The following PTPRM variants were observed in gnomAD, a reference collection of about 807,000 sequenced individuals.
PTPRM encodes the protein receptor-type tyrosine-protein phosphatase mu.
Under a neutral mutation model 186.7 loss-of-function variants are expected in PTPRM, and 47 were observed. The observed-to-expected ratio is 0.25, with a 90% CI of 0.20 to 0.32. The LOEUF is 0.32. PTPRM is among the 10% of genes least tolerant of loss of function. The pLI is 1.00. For synonymous variants in PTPRM, 668 were observed against 674.9 expected, an observed-to-expected ratio of 0.99 and a Z score of 0.16; for missense variants, 1,494 against 1,865.0, an observed-to-expected ratio of 0.80 and a Z score of 3.66.
In PTPRM at chr18:8,341,477, T is replaced by C. The variant is rs2095474382; in HGVS notation, c.2957-1946T>C. Among the ~76,000 whole-genome samples the C allele has an allele frequency of 2.0e-5, 3 of 152,090 alleles. No homozygotes were observed. In the South Asian group the frequency reaches 6.2e-4, roughly 32 times the overall value. ...GGCAAGAAGGGGTGAGTGAGGAATA[T>C]GCTGGAGGCAGAATGGGGCCCCTAG... is the stretch of plus-strand genomic sequence containing the variant. On this transcript the variant is annotated intron_variant, in intron 22 of 32. Coordinates refer to ENST00000580170, the MANE Select transcript of PTPRM (RefSeq NM_001105244.2).
chr18:8,076,015 G>A (rs930115768), intron 8 of PTPRM, among the ~76,000 whole-genome samples: 19 of 151,962 alleles, frequency 1.3e-4, no homozygotes, highest in Non-Finnish European at 7.4e-5. Context: ...GCATATATGC[G>A]AGAATTTTAC....
In PTPRM at chr18:8,346,188, G is replaced by T. The variant is rs114282308; in HGVS notation, c.3054+2668G>T. On this transcript the variant is annotated intron_variant, in intron 23 of 32. Transcript: ENST00000580170. ...AGGGTGCTGGGCCTCTCCTTCCACA[G>T]ACCTTTCTCTGGAAAGAGGAAACTA... Among the ~76,000 whole-genome samples, 863 of 152,334 alleles carry T rather than the reference G, an allele frequency of 5.7e-3. 6 individuals carry two copies. Among genetic ancestry groups the T allele is most frequent in the African/African-American group, 0.02 (812 of 41,584 alleles).
At chr18:8,334,531 C>A (rs549781625) in intron 22 of PTPRM, among the ~76,000 whole-genome samples, 53 of 152,368 alleles carry the variant, frequency 3.5e-4, no homozygotes, top group Non-Finnish European at 5.3e-4. Flanking sequence ...TTGCTGCTGT[C>A]TGTTGGATTC....
chr18:8,180,783 A>C (rs114350936), intron 14 of PTPRM, among the ~76,000 whole-genome samples: 1 of 152,148 alleles, frequency 6.6e-6, no homozygotes, highest in African/African-American at 2.4e-5. Context: ...AAATCCTGAG[A>C]TCTTATTAGG....
At chr18:7,831,049 T>C (rs2045736587) in intron 2 of PTPRM, among the ~76,000 whole-genome samples, 1 of 152,212 alleles carries the variant, frequency 6.6e-6, no homozygotes, top group South Asian at 2.1e-4. Context: ...CAGAATTGTG[T>C]TCAGGCAGAG....
At chr18:8,376,911 C>G (rs2095699798) in intron 26 of PTPRM, 1 of 250,258 alleles carries the variant, frequency 4.0e-6, no homozygotes, top group African/African-American at 2.3e-5. Flanking sequence ...TTTATTATCT[C>G]TTTTAAACTA....
intron 2 of PTPRM, among the ~76,000 whole-genome samples, chr18:7,797,974 T>C (rs993749575): frequency 2.6e-5 from 4 of 152,188 alleles, no homozygotes; most frequent in African/African-American, 9.6e-5. Flanking sequence ...GCTATTTTCA[T>C]TGAAGCAGGG....
intron 1 of PTPRM, among the ~76,000 whole-genome samples, chr18:7,578,880 G>A (rs891407888): frequency 6.6e-6 from 1 of 152,050 alleles, no homozygotes; most frequent in Admixed American, 6.6e-5. Context: ...GAATAAGACG[G>A]GTCCATCAGT....
chr18:7,933,970 G>T (rs995875714), intron 5 of PTPRM, among the ~76,000 whole-genome samples: 4 of 152,122 alleles, frequency 2.6e-5, no homozygotes, highest in African/African-American at 4.8e-5. Context: ...TTCATTTCTT[G>T]TACCCTTTGC....
chr18:7,588,705 G>A (rs1434572313), intron 1 of PTPRM, among the ~76,000 whole-genome samples: 2 of 152,138 alleles, frequency 1.3e-5, no homozygotes, highest in Non-Finnish European at 2.9e-5. Context: ...AATTTTTTGT[G>A]TTTAATATTT....
At chr18:7,652,797 A>C (rs2038748450) in intron 1 of PTPRM, among the ~76,000 whole-genome samples, 1 of 150,560 alleles carries the variant, frequency 6.6e-6, no homozygotes, top group South Asian at 2.2e-4. Flanking sequence ...AGATATACCT[A>C]ATGTTAAATG....
At chr18:8,304,473 T>A (rs1221366915) in intron 20 of PTPRM, among the ~76,000 whole-genome samples, 1 of 152,204 alleles carries the variant, frequency 6.6e-6, no homozygotes, top group African/African-American at 2.4e-5. Flanking sequence ...TGCTTTTCTC[T>A]GTTTCATCTA....
chr18:8,041,209 A>G (rs577863643), intron 7 of PTPRM, among the ~76,000 whole-genome samples: 2 of 152,350 alleles, frequency 1.3e-5, no homozygotes, highest in East Asian at 3.9e-4. Context: ...ATCTGTGAAG[A>G]TTGATACCAT....
chr18:8,098,329 T>A (rs1464747883), intron 11 of PTPRM, among the ~76,000 whole-genome samples: 2 of 152,216 alleles, frequency 1.3e-5, no homozygotes, highest in Non-Finnish European at 2.9e-5. Flanking sequence ...TTTAATAATT[T>A]AGTTTTTGAA....
At chr18:7,903,044 A>G (rs976820768) in intron 3 of PTPRM, among the ~76,000 whole-genome samples, 1 of 152,220 alleles carries the variant, frequency 6.6e-6, no homozygotes, top group Non-Finnish European at 1.5e-5. Context: ...GAAGCTTCAG[A>G]CATTGTAGTT....
chr18:7,792,777 C>T (rs887136801), intron 2 of PTPRM, among the ~76,000 whole-genome samples: 1 of 151,922 alleles, frequency 6.6e-6, no homozygotes, highest in Admixed American at 6.6e-5. Context: ...GGGATCCTAC[C>T]ACCTCAGCCT....
chr18:7,608,381 C>T (rs564395460), intron 1 of PTPRM, among the ~76,000 whole-genome samples: 32 of 152,276 alleles, frequency 2.1e-4, no homozygotes, highest in African/African-American at 7.2e-4. Context: ...TTTTATGAAA[C>T]ATTCTCAGAG....
chr18:7,702,246 AAT>A (rs1348683781), intron 1 of PTPRM, among the ~76,000 whole-genome samples: 1 of 152,056 alleles, frequency 6.6e-6, no homozygotes, highest in African/African-American at 2.4e-5. Context: ...TCTGCCTCTA[AAT>A]CCTTGAGGAA....
At chr18:7,634,925 A>G (rs991921852) in intron 1 of PTPRM, among the ~76,000 whole-genome samples, 1 of 152,172 alleles carries the variant, frequency 6.6e-6, no homozygotes, top group Non-Finnish European at 1.5e-5. Context: ...TTCATATTAA[A>G]TGTCCCTAAG....
Sources: gnomAD v4.1 joint callset for allele counts (sites outside exome capture counted in the v4.1 genomes callset) on GRCh38, gnomAD v4.1.1 for gene constraint, MANE v1.5 for transcripts, NCBI Gene and HGNC (gene_info 2026-07-23, HGNC 2026-07-21) for gene names.